The following CCDC77 variants were observed in gnomAD, a reference collection of about 807,000 sequenced individuals.
The protein encoded by CCDC77 is coiled-coil domain-containing protein 77.
CCDC77 carries 56 observed loss-of-function variants against 66.8 expected under a neutral mutation model. The observed-to-expected ratio is 0.84, with a 90% confidence interval of 0.68 to 1.05. The LOEUF (loss-of-function observed/expected upper bound fraction) is 1.05. CCDC77 is among the 50% of genes least tolerant of loss of function. The pLI is 0.00. For missense variants in CCDC77, 570 were observed against 576.8 expected (o/e 0.99, Z 0.12); for synonymous variants, 196 against 195.2 (o/e 1.00, Z -0.03).
chr12:414,412 T>G (rs1945181677), intron 4 of CCDC77, among the ~76,000 whole-genome samples: 1 of 152,230 alleles, frequency 6.6e-6, no homozygotes, highest in African/African-American at 2.4e-5. Flanking sequence ...CATTTTTCTT[T>G]CACAATTTCT....
intron 4 of CCDC77, among the ~76,000 whole-genome samples, chr12:415,016 G>A (rs1226699529): frequency 6.6e-6 from 1 of 151,962 alleles, no homozygotes; most frequent in African/African-American, 2.4e-5. Flanking sequence ...ATCACATTAT[G>A]TATGTATACA....
chr12:441,775 C>G lies in CCDC77; in HGVS notation c.1322C>G (p.Ala441Gly), dbSNP rs760827690. 6.2e-7 allele frequency: 1 copy of G among 1,601,074 alleles called. No homozygotes were observed. Among genetic ancestry groups the G allele is most frequent in the South Asian group, 1.1e-5 (1 of 89,856 alleles). Residue 441 changes from alanine to glycine, a missense_variant and splice_region_variant, in exon 13 of 13, where the codon GCA (alanine) becomes GGA (glycine). Transcript: ENST00000239830. ...LKDLEQMLYK[A>G]TVNARANQDL... ...TTTTTTTTTTTTTCAAACCCCTAGG[C>G]AACAGTTAATGCCCGGGCAAACCAG...
chr12:426,891 A>C (rs74460089), intron 5 of CCDC77, among the ~76,000 whole-genome samples: 8,505 of 152,106 alleles, frequency 0.056, 672 homozygotes, highest in African/African-American at 0.17. Context: ...CATTACCATG[A>C]ATATCTACTC....
chr12:414,781 A>C (rs1209555396), intron 4 of CCDC77, among the ~76,000 whole-genome samples: 1 of 151,286 alleles, frequency 6.6e-6, no homozygotes, highest in African/African-American at 2.5e-5. Context: ...TCTGCTTCCT[A>C]AATATTACTT....
chr12:440,587 G>T, intron 10 of CCDC77, 30 bp from the exon 11 acceptor site: 1 of 1,611,924 alleles, frequency 6.2e-7, no homozygotes, highest in Non-Finnish European at 8.5e-7. Context: ...AGAACTGAGT[G>T]TTAATGTTTT....
At chr12:389,796 C>T (rs951409717) in intron 1 of CCDC77, among the ~76,000 whole-genome samples, 6 of 152,194 alleles carry the variant, frequency 3.9e-5, no homozygotes, top group African/African-American at 1.2e-4. Context: ...TAGCAAGTAG[C>T]CTTTCCAGCA....
At chr12:410,531 G>C (rs779319158) in intron 3 of CCDC77, among the ~76,000 whole-genome samples, 14 of 151,654 alleles carry the variant, frequency 9.2e-5, no homozygotes, top group Non-Finnish European at 1.9e-4. Flanking sequence ...GCCTCCCAAA[G>C]TGGTGGGATT....
At chr12:422,942 T>C (rs537190456) in intron 5 of CCDC77, among the ~76,000 whole-genome samples, 1 of 152,154 alleles carries the variant, frequency 6.6e-6, no homozygotes, top group Non-Finnish European at 1.5e-5. Context: ...CTTTTGTGTA[T>C]ATACCCAGCA....
At chr12:413,032 G>A (rs143361693) in intron 4 of CCDC77, among the ~76,000 whole-genome samples, 1,979 of 151,038 alleles carry the variant, frequency 0.013, 37 homozygotes, top group African/African-American at 0.045. Flanking sequence ...TCCGCCTCCC[G>A]GGTTCATGCC....
In CCDC77 at chr12:401,676, T is replaced by C. The variant is rs1192489626; in HGVS notation, c.-79T>C. On this transcript the variant is annotated 5_prime_UTR_variant, in exon 1 of 13. Transcript: ENST00000239830. ...AGTTGCGTTCCCTGACTCGGAGTCTTAGTGTGTCGTGAGTATAGAGTTTCG... is the reference window on the plus strand; with the variant it reads ...AGTTGCGTTCCCTGACTCGGAGTCTCAGTGTGTCGTGAGTATAGAGTTTCG... 1 of 152,276 alleles carries C rather than the reference T, an allele frequency of 6.6e-6. No homozygotes were observed. The highest frequency in any genetic ancestry group is 2.4e-5 in the African/African-American group (1 of 41,464). The allele number at this position is 152,276 out of a possible 1,614,324, so 9.4% of individuals were successfully genotyped here. A position where few individuals can be genotyped will look rare whatever the true frequency, so the allele number is the denominator to read the frequency against.
At chr12:389,548 A>ACGGTGCGAGGCGGGGCGAGG in intron 1 of CCDC77, 1 of 24,292 alleles carries the variant, frequency 4.1e-5, no homozygotes, top group Non-Finnish European at 7.9e-5. Flanking sequence ...AGGGAAGCCG[A>ACGGTGCGAGGCGGGGCGAGG]CGGGGCGAGG....
In CCDC77 at chr12:430,488, G is replaced by A. The variant is rs149959827; in HGVS notation, c.511-176G>A. Among the ~76,000 whole-genome samples, 5 of 152,226 alleles carry A rather than the reference G, an allele frequency of 3.3e-5. No individual in the cohort carries two copies. The East Asian group carries it at 9.6e-4, about 29-fold the overall frequency. Reference sequence around the variant, plus strand: ...TTTAAGTTTATATTGTCAACACAGGGTTTTATCCAGTTTGCTACTTTGCCT... The same window carrying A: ...TTTAAGTTTATATTGTCAACACAGGATTTTATCCAGTTTGCTACTTTGCCT... On this transcript the variant is annotated intron_variant, in intron 6 of 12. Coordinates refer to ENST00000239830, the MANE Select transcript of CCDC77 (RefSeq NM_032358.4).
chr12:433,532 CT>C, intron 9 of CCDC77: 1 of 1,231,172 alleles, frequency 8.1e-7, no homozygotes, highest in Non-Finnish European at 1.0e-6. Flanking sequence ...TCACGTGCTC[CT>C]TTTAATCCAT....
chr12:430,320 C>T (rs1160469484), intron 6 of CCDC77, among the ~76,000 whole-genome samples: 1 of 152,022 alleles, frequency 6.6e-6, no homozygotes, highest in African/African-American at 2.4e-5. Flanking sequence ...GAAACAAAGT[C>T]TCATTTTGTT....
At chr12:418,870 T>C (rs1945337351) in intron 5 of CCDC77, 1 of 438,764 alleles carries the variant, frequency 2.3e-6, no homozygotes, top group Admixed American at 3.9e-5. Context: ...AGCTCATTTT[T>C]GTATTTTTAG....
intron 2 of CCDC77, 132 bp downstream of exon 2, chr12:405,696 A>T (rs1191797006): frequency 1.3e-5 from 2 of 152,212 alleles, no homozygotes; most frequent in Non-Finnish European, 2.9e-5. Context: ...TCTAGATTGA[A>T]TAGACTGGCC....
At chr12:413,296 G>A (rs1336215144) in intron 4 of CCDC77, among the ~76,000 whole-genome samples, 21 of 144,064 alleles carry the variant, frequency 1.5e-4, no homozygotes, top group East Asian at 8.5e-4. Context: ...GAGTGCAGTG[G>A]CGCGATCTCA....
chr12:441,446 G>A (rs1945856536), intron 12 of CCDC77, among the ~76,000 whole-genome samples: 1 of 152,140 alleles, frequency 6.6e-6, no homozygotes, highest in Non-Finnish European at 1.5e-5. Flanking sequence ...CTTTCATTCT[G>A]TGACAAACTT....
intron 1 of CCDC77, among the ~76,000 whole-genome samples, chr12:396,519 A>G (rs935516006): frequency 6.6e-6 from 1 of 152,254 alleles, no homozygotes; most frequent in African/African-American, 2.4e-5. Context: ...TGCAAATAAT[A>G]TGCCATTTAT....
Sources: allele counts gnomAD v4.1 joint callset (sites outside exome capture counted in the v4.1 genomes callset), GRCh38; gene constraint gnomAD v4.1.1; transcripts MANE v1.5; gene names NCBI Gene and HGNC (gene_info 2026-07-23, HGNC 2026-07-21).